The following SUCLG2 variants were observed in gnomAD, a reference collection of about 807,000 sequenced individuals.
The protein encoded by SUCLG2 is succinate-CoA ligase GDP-forming subunit beta.
In SUCLG2, 42 loss-of-function variants were observed where a neutral mutation model predicts 47.9. The ratio of observed to expected loss-of-function variants is 0.88; its 90% CI spans 0.69 to 1.14. The LOEUF (loss-of-function observed/expected upper bound fraction) is 1.14. SUCLG2 is among the 50% of genes most tolerant of loss of function. The pLI, the probability that SUCLG2 is intolerant of heterozygous loss-of-function variation, is 0.00. For synonymous variants in SUCLG2, 195 were observed against 197.3 expected (o/e 0.99, Z 0.10); for missense variants, 571 against 525.9 (o/e 1.09, Z -0.84).
chr3:67,589,368 C>T (rs1377541540), intron 2 of SUCLG2, among the ~76,000 whole-genome samples: 2 of 152,166 alleles, frequency 1.3e-5, no homozygotes, highest in Non-Finnish European at 1.5e-5. Context: ...TGCCTTACTC[C>T]AGTTATATCT....
chr3:67,599,719 CAAAA>C (rs11341706), intron 2 of SUCLG2, among the ~76,000 whole-genome samples: 2 of 120,616 alleles, frequency 1.7e-5, no homozygotes, highest in Admixed American at 1.8e-4. Context: ...AGCCTGAAGA[CAAAA>C]AAAAAAAAAA....
At chr3:67,418,407 T>C (rs1357197375) in intron 9 of SUCLG2, among the ~76,000 whole-genome samples, 2 of 152,160 alleles carry the variant, frequency 1.3e-5, no homozygotes, top group Non-Finnish European at 2.9e-5. Context: ...CTGAAGTAGT[T>C]TGCCAAGATC....
chr3:67,610,002 ATAAGT>A (rs912181840), intron 1 of SUCLG2, among the ~76,000 whole-genome samples: 2 of 152,222 alleles, frequency 1.3e-5, no homozygotes, highest in African/African-American at 4.8e-5. Flanking sequence ...GTATTTCAAC[ATAAGT>A]TATTTTAAAA....
At chr3:67,580,424 T>A (rs778441591) in intron 2 of SUCLG2, among the ~76,000 whole-genome samples, 9 of 152,094 alleles carry the variant, frequency 5.9e-5, no homozygotes, top group Non-Finnish European at 7.4e-5. Flanking sequence ...TTTTGAAAAA[T>A]TTTTCAATAA....
intron 2 of SUCLG2, among the ~76,000 whole-genome samples, chr3:67,563,684 G>T (rs538632720): frequency 4.3e-4 from 66 of 152,262 alleles, no homozygotes; most frequent in Non-Finnish European, 7.6e-4. Flanking sequence ...AGTTGGCCGG[G>T]CGCGGTGGCT....
At chr3:67,528,079 C>G in intron 4 of SUCLG2, 53 bp downstream of exon 4, 1 of 1,507,078 alleles carries the variant, frequency 6.6e-7, no homozygotes. Context: ...GGATGGTTTT[C>G]TTTTCTATTT....
intron 9 of SUCLG2, among the ~76,000 whole-genome samples, chr3:67,470,150 C>A (rs1224595076): frequency 6.6e-6 from 1 of 151,760 alleles, no homozygotes; most frequent in East Asian, 1.9e-4. Flanking sequence ...TAAATCTGAT[C>A]TAATTCAGGG....
At chr3:67,641,730 C>A (rs1203684138) in intron 1 of SUCLG2, among the ~76,000 whole-genome samples, 1 of 152,122 alleles carries the variant, frequency 6.6e-6, no homozygotes, top group Non-Finnish European at 1.5e-5. Flanking sequence ...GACTGGCATA[C>A]AAAGTACCAC....
intron 9 of SUCLG2, among the ~76,000 whole-genome samples, chr3:67,488,777 A>C (rs1358565947): frequency 1.3e-5 from 2 of 152,164 alleles, no homozygotes; most frequent in Non-Finnish European, 2.9e-5. Context: ...CTCTTCTAAT[A>C]ATTATATATT....
chr3:67,529,252 G>A (rs755985913), intron 2 of SUCLG2, 66 bp from the exon 3 acceptor site: 6 of 1,301,564 alleles, frequency 4.6e-6, no homozygotes, highest in African/African-American at 3.0e-5. Context: ...TAAGCAATAA[G>A]GAAAGCAATA....
At chr3:67,559,898 T>C (rs1707263495) in intron 2 of SUCLG2, among the ~76,000 whole-genome samples, 1 of 151,310 alleles carries the variant, frequency 6.6e-6, no homozygotes, top group African/African-American at 2.4e-5. Flanking sequence ...TGTGTCAATG[T>C]AGGTTCATCA....
At chr3:67,606,397 C>G (rs1289325985) in intron 2 of SUCLG2, among the ~76,000 whole-genome samples, 1 of 152,134 alleles carries the variant, frequency 6.6e-6, no homozygotes, top group Admixed American at 6.5e-5. Flanking sequence ...CAGCTGGCCT[C>G]CAGAATTCTC....
chr3:67,364,730 G>C (rs1339299305), intron 10 of SUCLG2, among the ~76,000 whole-genome samples: 6 of 152,150 alleles, frequency 3.9e-5, no homozygotes, highest in African/African-American at 1.4e-4. Flanking sequence ...CAAAGTCTCA[G>C]AAAGTAACAT....
chr3:67,573,686 C>T (rs1445263359), intron 2 of SUCLG2, among the ~76,000 whole-genome samples: 1 of 152,066 alleles, frequency 6.6e-6, no homozygotes, highest in Non-Finnish European at 1.5e-5. Context: ...GCAGCCTGGC[C>T]CCTCCTTTTC....
chr3:67,477,362 C>T (rs1309272260), intron 9 of SUCLG2, among the ~76,000 whole-genome samples: 3 of 152,186 alleles, frequency 2.0e-5, no homozygotes, highest in Non-Finnish European at 4.4e-5. Flanking sequence ...TTCTCAGTGT[C>T]CTCTTCACAG....
At chr3:67,489,309 A>G (rs1705145281) in intron 9 of SUCLG2, among the ~76,000 whole-genome samples, 1 of 152,212 alleles carries the variant, frequency 6.6e-6, no homozygotes, top group South Asian at 2.1e-4. Flanking sequence ...TGGGAAAACT[A>G]CTGCCGGGGG....
rs765274421 is a variant in SUCLG2 at position 67,623,686 on chromosome 3, T to G, written c.85-14090A>C. ...ACAATACTCAGAGAAGGGAAAGTAC[T>G]AGATATTTTTATTCAACCATGTGGC... On this transcript the variant is annotated intron_variant, in intron 1 of 10. Transcript: ENST00000307227. Among the ~76,000 whole-genome samples, 156 of 152,152 alleles carry G rather than the reference T, an allele frequency of 1.0e-3. 2 individuals carry two copies. The highest frequency in any genetic ancestry group is 1.9e-3 in the Non-Finnish European group (128 of 68,024).
intron 7 of SUCLG2, among the ~76,000 whole-genome samples, chr3:67,500,755 C>A (rs994344717): frequency 6.6e-6 from 1 of 152,156 alleles, no homozygotes; most frequent in Non-Finnish European, 1.5e-5. Context: ...TAACTGACAC[C>A]TTCAAAATGA....
chr3:67,543,352 A>C (rs1409890258), intron 2 of SUCLG2, among the ~76,000 whole-genome samples: 1 of 152,168 alleles, frequency 6.6e-6, no homozygotes, highest in Non-Finnish European at 1.5e-5. Context: ...AATAAAATCT[A>C]AATAACCAAG....
Sources: gnomAD v4.1 joint callset for allele counts (sites outside exome capture counted in the v4.1 genomes callset) on GRCh38, gnomAD v4.1.1 for gene constraint, MANE v1.5 for transcripts, NCBI Gene and HGNC (gene_info 2026-07-23, HGNC 2026-07-21) for gene names.